The following ATP10B variants were observed in gnomAD, a reference collection of about 807,000 sequenced individuals.
ATP10B encodes the protein phospholipid-transporting ATPase VB.
A neutral mutation model predicts 141.2 loss-of-function variants in ATP10B; 122 were observed. That is an observed-to-expected ratio of 0.86 (90% CI 0.75 to 1.00). ATP10B has a LOEUF of 1.00. Among genes scored for constraint, ATP10B ranks in the 50% least tolerant of loss-of-function variants. ATP10B has a pLI of 0.00. For synonymous variants in ATP10B, 685 were observed against 692.0 expected (o/e 0.99, Z 0.16); for missense variants, 1,876 against 1,825.3 (o/e 1.03, Z -0.51).
chr5:160,814,234 A>T (rs1219449283), intron 1 of ATP10B, among the ~76,000 whole-genome samples: 1 of 146,228 alleles, frequency 6.8e-6, no homozygotes, highest in Non-Finnish European at 1.5e-5. Context: ...AAAAACCTTC[A>T]AAAAAAAAAT....
chr5:160,784,357 A>C (rs1335775026), intron 2 of ATP10B, among the ~76,000 whole-genome samples: 1 of 152,182 alleles, frequency 6.6e-6, no homozygotes, highest in Non-Finnish European at 1.5e-5. Flanking sequence ...ATTTTCAGGC[A>C]ACAACTCAAA....
chr5:160,873,575 G>C, the ATP10B span, among the ~76,000 whole-genome samples: 29 of 152,332 alleles, frequency 1.9e-4, no homozygotes, highest in East Asian at 1.7e-3. Flanking sequence ...AGCTCCCAGC[G>C]TGAGCGACAC....
the ATP10B span, among the ~76,000 whole-genome samples, chr5:160,881,531 G>A: frequency 4.4e-4 from 67 of 152,204 alleles, 1 homozygote; most frequent in African/African-American, 1.5e-3. Flanking sequence ...CCAAAATTTC[G>A]GCCGGGCGTG....
chr5:160,763,078 G>A (rs568015250), intron 2 of ATP10B, among the ~76,000 whole-genome samples: 1 of 151,966 alleles, frequency 6.6e-6, no homozygotes, highest in Admixed American at 6.6e-5. Flanking sequence ...ACTACTACTA[G>A]ACCTAAGAAA....
At chr5:160,567,674 G>A (rs1754626123) in intron 25 of ATP10B, among the ~76,000 whole-genome samples, 2 of 152,108 alleles carry the variant, frequency 1.3e-5, no homozygotes, top group East Asian at 1.9e-4. Context: ...GATGGCTGAA[G>A]CTTGGGGAGT....
At chr5:160,847,765 C>T (rs778951430) in intron 1 of ATP10B, among the ~76,000 whole-genome samples, 17 of 152,130 alleles carry the variant, frequency 1.1e-4, no homozygotes, top group African/African-American at 3.1e-4. Flanking sequence ...GAAGGAAAAA[C>T]GCGGGTTATT....
chr5:160,652,907 A>AT (rs1328738657), intron 7 of ATP10B, among the ~76,000 whole-genome samples: 3 of 72,756 alleles, frequency 4.1e-5, no homozygotes, highest in Admixed American at 2.1e-4. Context: ...TATATTATAT[A>AT]TACATGTATA....
intron 3 of ATP10B, among the ~76,000 whole-genome samples, chr5:160,703,703 G>T (rs1764810805): frequency 6.6e-6 from 1 of 152,136 alleles, no homozygotes. Context: ...GACCTCAGGT[G>T]ATCCATCAGC....
At chr5:160,909,343 G>T in the ATP10B span, among the ~76,000 whole-genome samples, 1 of 152,134 alleles carries the variant, frequency 6.6e-6, no homozygotes, top group African/African-American at 2.4e-5. Flanking sequence ...AGCTGCTGGT[G>T]ACTCCTTTAC....
the ATP10B span, among the ~76,000 whole-genome samples, chr5:160,865,296 CA>C: frequency 3.3e-5 from 5 of 151,984 alleles, no homozygotes; most frequent in Non-Finnish European, 7.4e-5. Context: ...TGGTCTTTGA[CA>C]AAGCATACAA....
At chr5:160,753,903 T>A (rs142131352) in intron 2 of ATP10B, among the ~76,000 whole-genome samples, 1 of 152,180 alleles carries the variant, frequency 6.6e-6, no homozygotes, top group Non-Finnish European at 1.5e-5. Context: ...TGGCTTCTGA[T>A]CCCATGATTT....
intron 21 of ATP10B, among the ~76,000 whole-genome samples, chr5:160,601,237 C>T (rs1486610009): frequency 2.0e-5 from 3 of 152,138 alleles, no homozygotes; most frequent in African/African-American, 7.2e-5. Flanking sequence ...TTGAACTTTG[C>T]ACAGAAAGTC....
At chr5:160,653,017 ATTATATAT>A (rs1238509527) in intron 7 of ATP10B, among the ~76,000 whole-genome samples, 3 of 100,062 alleles carry the variant, frequency 3.0e-5, no homozygotes, top group East Asian at 5.0e-4. Flanking sequence ...ATATATTTAT[ATTATATAT>A]TTATATATTT....
At chr5:160,914,147 A>G in the ATP10B span, among the ~76,000 whole-genome samples, 1 of 152,224 alleles carries the variant, frequency 6.6e-6, no homozygotes, top group East Asian at 1.9e-4. Context: ...ATGTATATTT[A>G]TGGAACAAAA....
intron 24 of ATP10B, among the ~76,000 whole-genome samples, chr5:160,581,742 A>G (rs1037710878): frequency 2.0e-5 from 3 of 152,182 alleles, no homozygotes; most frequent in Non-Finnish European, 2.9e-5. Context: ...TACTATTGAC[A>G]GTGGGGTATT....
intron 1 of ATP10B, among the ~76,000 whole-genome samples, chr5:160,797,338 G>A (rs1173672864): frequency 1.3e-5 from 2 of 152,086 alleles, no homozygotes; most frequent in African/African-American, 4.8e-5. Context: ...CTTTTGCTCT[G>A]AAAGCAGCTT....
At chr5:160,811,692 G>A (rs1483140454) in intron 1 of ATP10B, among the ~76,000 whole-genome samples, 1 of 152,136 alleles carries the variant, frequency 6.6e-6, no homozygotes, top group Non-Finnish European at 1.5e-5. Context: ...AGAACACCAG[G>A]TAGATTTCTA....
At chr5:160,671,694 T>G (rs1762712552) in intron 6 of ATP10B, among the ~76,000 whole-genome samples, 1 of 152,244 alleles carries the variant, frequency 6.6e-6, no homozygotes, top group Non-Finnish European at 1.5e-5. Flanking sequence ...AAATTTAGCA[T>G]TTCTTACCTG....
At chr5:160,868,583 C>T in the ATP10B span, among the ~76,000 whole-genome samples, 18 of 148,442 alleles carry the variant, frequency 1.2e-4, no homozygotes, top group African/African-American at 4.2e-4. Context: ...GCAACTATAT[C>T]TCTCTGACCT....
Sources: allele counts gnomAD v4.1 joint callset (sites outside exome capture counted in the v4.1 genomes callset), GRCh38; gene constraint gnomAD v4.1.1; transcripts MANE v1.5; gene names NCBI Gene and HGNC (gene_info 2026-07-23, HGNC 2026-07-21).